SPDYA: variants seen among roughly 807,000 people sequenced by gnomAD.
SPDYA encodes speedy/RINGO cell cycle regulator family member A.
Under a neutral mutation model 36.7 loss-of-function variants are expected in SPDYA, and 11 were observed. The ratio of observed to expected loss-of-function variants is 0.30; its 90% confidence interval spans 0.19 to 0.50. SPDYA has a LOEUF of 0.50. Ranked by LOEUF, SPDYA falls within the 20% of genes least tolerant of loss-of-function variation. The pLI, the probability that SPDYA is intolerant of heterozygous loss-of-function variation, is 0.98. For synonymous variants in SPDYA, 115 were observed against 118.7 expected, an observed-to-expected ratio of 0.97 and a Z score of 0.20; for missense variants, 287 against 370.9, an observed-to-expected ratio of 0.77 and a Z score of 1.86.
chr2:28,850,476 A>C lies in SPDYA; in HGVS notation c.*535A>C, dbSNP rs571029213. 2 of 1,021,686 alleles carry C rather than the reference A, an allele frequency of 2.0e-6. No individual in the cohort carries two copies. Among genetic ancestry groups the C allele is most frequent in the East Asian group, 5.2e-5 (2 of 38,180 alleles). The allele number at this position is 1,021,686 out of a possible 1,614,324, so 63.3% of individuals were successfully genotyped here. On this transcript the variant is annotated 3_prime_UTR_variant, in exon 8 of 8. Coordinates refer to ENST00000334056, the MANE Select transcript of SPDYA (RefSeq NM_182756.4). ...CTATTTTTTTCACAAAACTGTTAAA[A>C]TATGAGTTACTCTCTTTATTGTAAG...
chr2:28,829,354 T>C (rs757117644), intron 6 of SPDYA, 35 bp downstream of exon 6: 2 of 1,569,832 alleles, frequency 1.3e-6, no homozygotes, highest in Non-Finnish European at 1.7e-6. Context: ...TATGTAATCT[T>C]TGTTTTCTGT....
chr2:28,821,323 C>T (rs1182640015), intron 4 of SPDYA, among the ~76,000 whole-genome samples: 1 of 151,372 alleles, frequency 6.6e-6, no homozygotes, highest in Admixed American at 6.6e-5. Context: ...CCTCAGCCTC[C>T]CAAATGTCTG....
At chr2:28,843,616 G>A (rs1169916441) in intron 7 of SPDYA, among the ~76,000 whole-genome samples, 3 of 149,600 alleles carry the variant, frequency 2.0e-5, no homozygotes, top group African/African-American at 7.4e-5. Context: ...TTTAGATGAA[G>A]CATTCTTTAC....
intron 3 of SPDYA, among the ~76,000 whole-genome samples, chr2:28,817,676 G>C (rs1558321210): frequency 6.6e-6 from 1 of 150,640 alleles, no homozygotes; most frequent in Non-Finnish European, 1.5e-5. Context: ...AGGAGTTCGA[G>C]ACCAGCCTGG....
intron 6 of SPDYA, among the ~76,000 whole-genome samples, chr2:28,832,562 C>G (rs1325358271): frequency 6.6e-6 from 1 of 152,156 alleles, no homozygotes; most frequent in African/African-American, 2.4e-5. Context: ...ATACCTCAAA[C>G]TTAACGTGCC....
At chr2:28,835,126 A>G (rs1668562519) in intron 6 of SPDYA, among the ~76,000 whole-genome samples, 1 of 151,950 alleles carries the variant, frequency 6.6e-6, no homozygotes, top group African/African-American at 2.4e-5. Flanking sequence ...GCAGTGTGCA[A>G]TCGTAGCTCA....
At chr2:28,835,545 T>C (rs992021580) in intron 6 of SPDYA, among the ~76,000 whole-genome samples, 2 of 152,250 alleles carry the variant, frequency 1.3e-5, no homozygotes, top group Admixed American at 6.5e-5. Context: ...TTTGTTCTTA[T>C]TCTATCTCCA....
chr2:28,827,821 A>G (rs1370978621), intron 5 of SPDYA, among the ~76,000 whole-genome samples: 1 of 152,076 alleles, frequency 6.6e-6, no homozygotes, highest in Non-Finnish European at 1.5e-5. Context: ...TACTCCTTCA[A>G]ATGTCTTCTG....
chr2:28,834,011 A>C (rs1207482029), intron 6 of SPDYA, among the ~76,000 whole-genome samples: 1 of 152,120 alleles, frequency 6.6e-6, no homozygotes, highest in Non-Finnish European at 1.5e-5. Context: ...TAATAAAAAG[A>C]CAATCAATTT....
At chr2:28,841,745 G>T (rs563063015) in intron 7 of SPDYA, among the ~76,000 whole-genome samples, 1 of 152,108 alleles carries the variant, frequency 6.6e-6, no homozygotes, top group Non-Finnish European at 1.5e-5. Context: ...AAATTTGCAC[G>T]ACAGTATAGT....
chr2:28,812,732 C>T (rs921745195), intron 1 of SPDYA, among the ~76,000 whole-genome samples: 1 of 151,690 alleles, frequency 6.6e-6, no homozygotes, highest in African/African-American at 2.4e-5. Context: ...TGGCAGGCTC[C>T]TGTAATCCCA....
chr2:28,811,678 C>T lies in SPDYA; in HGVS notation c.-93+731C>T, dbSNP rs550294448. Among the ~76,000 whole-genome samples the T allele has an allele frequency of 3.2e-4, 48 of 151,980 alleles. No homozygotes were observed. Among genetic ancestry groups the T allele is most frequent in the Non-Finnish European group, 5.1e-4 (35 of 68,020 alleles). On this transcript the variant is annotated intron_variant, in intron 1 of 7. Transcript: ENST00000334056. The surrounding 1 kb of genome is among the most constrained non-coding windows in gnomAD (Gnocchi z 4.2). ...AAAAATAATGAAAAAAAAAATTAAC[C>T]GGGCATGGTGGTGCGCACTTGTAAT...
rs1052570154 is a variant in SPDYA, at chr2:28,850,266, A to G, written c.*325A>G. ...AGCTAATTTAAGAGAAGAAAAACATAAAGTCATTATATTAATTAAAAGAAA... is the reference window on the plus strand; with the variant it reads ...AGCTAATTTAAGAGAAGAAAAACATGAAGTCATTATATTAATTAAAAGAAA... On this transcript the variant is annotated 3_prime_UTR_variant, in exon 8 of 8. Coordinates refer to ENST00000334056, the MANE Select transcript of SPDYA (RefSeq NM_182756.4). 1 of 1,608,174 alleles carries G rather than the reference A, an allele frequency of 6.2e-7. No individual in the cohort carries two copies. Among genetic ancestry groups the G allele is most frequent in the Non-Finnish European group, 8.5e-7 (1 of 1,176,342 alleles).
chr2:28,838,219 TCACC>T (rs1668660638), intron 6 of SPDYA, among the ~76,000 whole-genome samples: 2 of 144,796 alleles, frequency 1.4e-5, no homozygotes, highest in Non-Finnish European at 3.0e-5. Context: ...TTCACTGTTG[TCACC>T]CAGGCTGGAG....
chr2:28,818,957 C>T (rs1025686882), intron 3 of SPDYA, 91 bp from the exon 4 acceptor site: 2 of 986,170 alleles, frequency 2.0e-6, no homozygotes. Flanking sequence ...TATTTCTAAG[C>T]ACCATGTATA....
chr2:28,812,609 C>T (rs1005778034), intron 1 of SPDYA, among the ~76,000 whole-genome samples: 2 of 151,944 alleles, frequency 1.3e-5, no homozygotes, highest in Admixed American at 6.6e-5. Flanking sequence ...GTAATCCCAG[C>T]GCTTTGGGAG....
intron 1 of SPDYA, among the ~76,000 whole-genome samples, chr2:28,812,636 C>G (rs572280433): frequency 6.6e-6 from 1 of 151,904 alleles, no homozygotes; most frequent in Non-Finnish European, 1.5e-5. Flanking sequence ...GCGGGCCGAT[C>G]ACCTCAGGTC....
intron 1 of SPDYA, among the ~76,000 whole-genome samples, chr2:28,814,004 T>A (rs1406580202): frequency 1.3e-5 from 2 of 152,182 alleles, no homozygotes; most frequent in African/African-American, 2.4e-5. Flanking sequence ...TCTATGGAGT[T>A]TATAACCCGC....
chr2:28,816,114 C>T lies in SPDYA; in HGVS notation c.100C>T (p.Leu34=). 3 of 1,613,998 alleles carry T rather than the reference C, an allele frequency of 1.9e-6. No homozygotes were observed. The highest frequency in any genetic ancestry group is 2.5e-6 in the Non-Finnish European group (3 of 1,179,976). ...ACATCAGCCTAAAAAGCCCATTACT[C>T]TGAAGCGTCCTATTTGTAAAGATAA... ...RSHQPKKPIT[L]KRPICKDNWQ... The change falls in exon 3 of 8, where the codon CTG becomes TTG. Residue 34 remains leucine (L), a synonymous_variant. Coordinates refer to ENST00000334056, the MANE Select transcript of SPDYA (RefSeq NM_182756.4).
Sources: allele counts gnomAD v4.1 joint callset (sites outside exome capture counted in the v4.1 genomes callset), GRCh38; gene constraint gnomAD v4.1.1; non-coding constraint Gnocchi (gnomAD v3.1); transcripts MANE v1.5; gene names NCBI Gene and HGNC (gene_info 2026-07-23, HGNC 2026-07-21).